Variants in LCLAT1 observed in about 807,000 individuals in gnomAD.
The protein encoded by LCLAT1 is lysocardiolipin acyltransferase 1.
LCLAT1 carries 11 observed loss-of-function variants against 30.7 expected under a neutral mutation model. The observed-to-expected ratio is 0.36, with a 90% CI of 0.23 to 0.59. The LOEUF is 0.59. Ranked by LOEUF, LCLAT1 falls within the 20% of genes least tolerant of loss-of-function variation. The probability of loss-of-function intolerance (pLI) is 0.77; values close to 1 mark genes in which losing one functional copy is unlikely to be tolerated. For missense variants in LCLAT1, 402 were observed against 458.6 expected, an observed-to-expected ratio of 0.88 and a Z score of 1.13; for synonymous variants, 155 against 151.3, an observed-to-expected ratio of 1.02 and a Z score of -0.18.
chr2:30,528,352 T>C (rs1685825505), intron 2 of LCLAT1, among the ~76,000 whole-genome samples: 1 of 152,236 alleles, frequency 6.6e-6, no homozygotes, highest in African/African-American at 2.4e-5. Flanking sequence ...GTAGCATTAC[T>C]ATTACTGCAG....
At chr2:30,548,514 A>G (rs1206246169) in intron 3 of LCLAT1, among the ~76,000 whole-genome samples, 1 of 152,172 alleles carries the variant, frequency 6.6e-6, no homozygotes, top group Non-Finnish European at 1.5e-5. Flanking sequence ...ATTAATGGAA[A>G]GGATTGTTTA....
chr2:30,535,728 C>T (rs909057662), intron 3 of LCLAT1, among the ~76,000 whole-genome samples: 2 of 152,072 alleles, frequency 1.3e-5, no homozygotes, highest in African/African-American at 4.8e-5. Flanking sequence ...GCACAGATAC[C>T]AGTGTAGGAA....
At chr2:30,508,321 T>A (rs1044454268) in intron 1 of LCLAT1, among the ~76,000 whole-genome samples, 4 of 152,204 alleles carry the variant, frequency 2.6e-5, no homozygotes, top group African/African-American at 9.6e-5. Context: ...TTCGTTGCAG[T>A]TACTTTTGGT....
chr2:30,455,061 C>T (rs1211822874), intron 1 of LCLAT1, among the ~76,000 whole-genome samples: 1 of 152,168 alleles, frequency 6.6e-6, no homozygotes, highest in East Asian at 1.9e-4. Context: ...GTAGGCTAAT[C>T]TTCAGGGAAC....
chr2:30,567,549 C>G (rs1230103929), intron 4 of LCLAT1, among the ~76,000 whole-genome samples: 2 of 152,106 alleles, frequency 1.3e-5, no homozygotes, highest in African/African-American at 2.4e-5. Flanking sequence ...GGAACCCTCC[C>G]ACTTGGGGGA....
chr2:30,566,435 T>TTAC (rs1441178832), intron 4 of LCLAT1, among the ~76,000 whole-genome samples: 1 of 152,190 alleles, frequency 6.6e-6, no homozygotes, highest in African/African-American at 2.4e-5. Flanking sequence ...TGAGAGGAAC[T>TTAC]TACTACTCTT....
At chr2:30,522,375 T>G (rs1357155036) in intron 1 of LCLAT1, among the ~76,000 whole-genome samples, 1 of 152,210 alleles carries the variant, frequency 6.6e-6, no homozygotes. Flanking sequence ...TTTTATTGTT[T>G]TAAAATTTTT....
chr2:30,509,028 CA>C (rs1684811627), intron 1 of LCLAT1, among the ~76,000 whole-genome samples: 2 of 152,072 alleles, frequency 1.3e-5, no homozygotes, highest in Admixed American at 6.5e-5. Context: ...CTTTTTGTGG[CA>C]ATTGTGAATG....
chr2:30,507,157 A>C (rs1412676943), intron 1 of LCLAT1, among the ~76,000 whole-genome samples: 2 of 152,174 alleles, frequency 1.3e-5, no homozygotes, highest in Non-Finnish European at 2.9e-5. Flanking sequence ...TGTCATTTGA[A>C]TCAAAATCAA....
intron 3 of LCLAT1, among the ~76,000 whole-genome samples, chr2:30,546,087 A>G (rs1019497684): frequency 6.6e-6 from 1 of 152,164 alleles, no homozygotes; most frequent in African/African-American, 2.4e-5. Context: ...ACATTGTGAT[A>G]TATCTAGATT....
intron 1 of LCLAT1, among the ~76,000 whole-genome samples, chr2:30,465,804 G>A (rs906886812): frequency 3.9e-5 from 6 of 152,018 alleles, no homozygotes; most frequent in Admixed American, 1.3e-4. Context: ...TTTGAATTGA[G>A]GACAATAAAG....
intron 5 of LCLAT1, among the ~76,000 whole-genome samples, chr2:30,593,855 G>A (rs61232451): frequency 0.043 from 6,535 of 151,242 alleles, 488 homozygotes; most frequent in African/African-American, 0.15. Flanking sequence ...CCCAGGAGGT[G>A]GAGGCTGCAG....
intron 1 of LCLAT1, among the ~76,000 whole-genome samples, chr2:30,504,100 TTA>T (rs1164719339): frequency 5.0e-5 from 5 of 100,202 alleles, no homozygotes; most frequent in African/African-American, 1.6e-4. Context: ...GTGTGTGTGT[TTA>T]TATATGTGTG....
chr2:30,522,258 A>T (rs1685512867), intron 1 of LCLAT1, among the ~76,000 whole-genome samples: 1 of 152,212 alleles, frequency 6.6e-6, no homozygotes, highest in South Asian at 2.1e-4. Context: ...GATTTTAAGA[A>T]ACTACCAAAC....
intron 1 of LCLAT1, among the ~76,000 whole-genome samples, chr2:30,525,265 TG>T (rs1412826940): frequency 2.0e-5 from 3 of 152,118 alleles, no homozygotes; most frequent in African/African-American, 7.2e-5. Flanking sequence ...TTAGTAGAGA[TG>T]GGGTTTCACC....
intron 1 of LCLAT1, among the ~76,000 whole-genome samples, chr2:30,498,522 C>T (rs1401076604): frequency 6.6e-6 from 1 of 152,150 alleles, no homozygotes; most frequent in Non-Finnish European, 1.5e-5. Context: ...GACATGGGCT[C>T]TTTCTTATCT....
intron 3 of LCLAT1, among the ~76,000 whole-genome samples, chr2:30,558,782 C>T (rs143419946): frequency 6.6e-6 from 1 of 152,088 alleles, no homozygotes; most frequent in Non-Finnish European, 1.5e-5. Context: ...GGTATAATCA[C>T]TTTGAAGAAC....
chr2:30,634,243 C>G (rs185584937), intron 5 of LCLAT1, among the ~76,000 whole-genome samples: 3 of 152,290 alleles, frequency 2.0e-5, no homozygotes, highest in Admixed American at 6.5e-5. Context: ...ATGAAACTTT[C>G]CAATAGTCAC....
intron 1 of LCLAT1, among the ~76,000 whole-genome samples, chr2:30,506,549 A>T (rs1684670434): frequency 6.6e-6 from 1 of 152,158 alleles, no homozygotes; most frequent in African/African-American, 2.4e-5. Context: ...CAAATAAAAG[A>T]TTGAAAGAGG....
Sources: allele counts gnomAD v4.1 joint callset (sites outside exome capture counted in the v4.1 genomes callset), GRCh38; gene constraint gnomAD v4.1.1; transcripts MANE v1.5; gene names NCBI Gene and HGNC (gene_info 2026-07-23, HGNC 2026-07-21).